The following PCDHGA2 variants were observed in gnomAD, a reference collection of about 807,000 sequenced individuals.
PCDHGA2 encodes protocadherin gamma-A2.
In PCDHGA2, 40 loss-of-function variants were observed where a neutral mutation model predicts 59.2. The ratio of observed to expected loss-of-function variants is 0.68; its 90% CI spans 0.52 to 0.88. The LOEUF (loss-of-function observed/expected upper bound fraction) is 0.88. Among genes scored for constraint, PCDHGA2 ranks in the 40% least tolerant of loss-of-function variants. PCDHGA2 has a pLI of 0.00. For synonymous variants in PCDHGA2, 560 were observed against 526.0 expected, an observed-to-expected ratio of 1.06 and a Z score of -0.89; for missense variants, 1,226 against 1,204.0, an observed-to-expected ratio of 1.02 and a Z score of -0.27.
intron 1 of PCDHGA2, among the ~76,000 whole-genome samples, chr5:141,363,316 T>C (rs551675221): frequency 4.6e-5 from 7 of 152,280 alleles, no homozygotes; most frequent in Non-Finnish European, 1.0e-4. Context: ...TAGTTTTCTA[T>C]GAAAGTGTTA....
chr5:141,363,560 T>C (rs1191147293), intron 1 of PCDHGA2, among the ~76,000 whole-genome samples: 1 of 152,198 alleles, frequency 6.6e-6, no homozygotes, highest in East Asian at 1.9e-4. Context: ...AACATGGTAA[T>C]AGAAAAACAT....
At chr5:141,360,700 C>A (rs532971055) in intron 1 of PCDHGA2, 1 of 1,613,796 alleles carries the variant, frequency 6.2e-7, no homozygotes, top group South Asian at 1.1e-5. Flanking sequence ...TCCAGATGGT[C>A]GTAAATATCC....
At chr5:141,366,523 G>A (rs755773964) in intron 1 of PCDHGA2, 18 of 1,614,152 alleles carry the variant, frequency 1.1e-5, no homozygotes, top group Middle Eastern at 1.6e-4. Flanking sequence ...AAGGCAGCAG[G>A]TTGGCGGGTG....
intron 1 of PCDHGA2, among the ~76,000 whole-genome samples, chr5:141,448,117 A>G (rs564444141): frequency 6.6e-6 from 1 of 152,094 alleles, no homozygotes; most frequent in Non-Finnish European, 1.5e-5. Flanking sequence ...AAAGAAAATT[A>G]GCCTCCCCCA....
Position 141,339,628 on chromosome 5 carries a change from C to T in PCDHGA2, c.657C>T (p.Asp219=), listed in dbSNP as rs781428471. 2 of 1,614,190 alleles carry T rather than the reference C, an allele frequency of 1.2e-6. No homozygotes were observed. Residue 219 remains aspartate (D), a synonymous_variant, in exon 1 of 4, where the codon GAC becomes GAT. Transcript: ENST00000394576. ...TTCTCGTGGCTTCTGATGGGGGTGA[C>T]CCAGTGCTATCTGGCACCTCCCGCA... is the stretch of plus-strand genomic sequence containing the variant. ...HLVLVASDGG[D]PVLSGTSRIC...
intron 1 of PCDHGA2, chr5:141,428,153 CT>C (rs2097116745): frequency 6.3e-7 from 1 of 1,581,370 alleles, no homozygotes; most frequent in Admixed American, 1.7e-5. Flanking sequence ...ACACGGGAAC[CT>C]GCTGGTTGCT....
rs942526816 is a variant in PCDHGA2 at position 141,339,640 on chromosome 5, T to C, written c.669T>C (p.Ser223=). ...CTGATGGGGGTGACCCAGTGCTATC[T>C]GGCACCTCCCGCATCTGCGTGAAGG... ...VASDGGDPVL[S]GTSRICVKVL... is the part of the protein sequence containing the mutation. Residue 223 remains serine, a synonymous_variant, in exon 1 of 4, where the codon TCT becomes TCC. Coordinates refer to ENST00000394576, the MANE Select transcript of PCDHGA2 (RefSeq NM_018915.4). 2 of 1,614,230 alleles carry C rather than the reference T, an allele frequency of 1.2e-6. No homozygotes were observed. Among genetic ancestry groups the C allele is most frequent in the South Asian group, 1.1e-5 (1 of 91,092 alleles).
intron 1 of PCDHGA2, chr5:141,385,540 G>T: frequency 1.5e-6 from 2 of 1,323,840 alleles, no homozygotes; most frequent in Non-Finnish European, 1.9e-6. Context: ...ATGAATATGT[G>T]GACTATCACA....
chr5:141,394,263 A>T, intron 1 of PCDHGA2: 1 of 1,613,884 alleles, frequency 6.2e-7, no homozygotes, highest in Non-Finnish European at 8.5e-7. Flanking sequence ...CAGCCAGGAG[A>T]ATGCCCAGGT....
chr5:141,422,919 G>C (rs1445179310), intron 1 of PCDHGA2: 9 of 1,614,120 alleles, frequency 5.6e-6, no homozygotes, highest in Non-Finnish European at 6.8e-6. Context: ...CCGAGATCCT[G>C]TACCCTGCCC....
At chr5:141,376,085 A>T (rs777795289) in intron 1 of PCDHGA2, 1 of 1,613,530 alleles carries the variant, frequency 6.2e-7, no homozygotes. Flanking sequence ...GGCCGACAGG[A>T]TCCCCGACAT....
At chr5:141,356,099 A>T in intron 1 of PCDHGA2, 1 of 1,613,882 alleles carries the variant, frequency 6.2e-7, no homozygotes, top group Non-Finnish European at 8.5e-7. Context: ...CTGAGTGGGG[A>T]TATAACAATA....
Position 141,486,552 on chromosome 5 carries a change from A to G in PCDHGA2, c.2425-8255A>G. On this transcript the variant is annotated intron_variant, in intron 1 of 3. Coordinates refer to ENST00000394576, the MANE Select transcript of PCDHGA2 (RefSeq NM_018915.4). This position sits in a 1 kb window ranked among gnomAD's most constrained non-coding sequence, Gnocchi z 5.0. ...CCACCCTCTTTCTTTCAGAGGTCAC[A>G]TGAGGTGTTTGTTCCTGAGAACAAT... is the stretch of plus-strand genomic sequence containing the variant. 1 of 1,614,136 alleles carries G rather than the reference A, an allele frequency of 6.2e-7. No homozygotes were observed. The highest frequency in any genetic ancestry group is 2.2e-5 in the East Asian group (1 of 44,882).
chr5:141,448,705 C>T (rs2098601893), intron 1 of PCDHGA2, among the ~76,000 whole-genome samples: 1 of 152,100 alleles, frequency 6.6e-6, no homozygotes, highest in Non-Finnish European at 1.5e-5. Context: ...CTTTGGGAGG[C>T]CGAGGCGGGA....
At chr5:141,364,414 C>T in intron 1 of PCDHGA2, 3 of 1,612,330 alleles carry the variant, frequency 1.9e-6, no homozygotes, top group Non-Finnish European at 2.5e-6. Flanking sequence ...AGCCAGGATC[C>T]GGGCAGATCC....
At chr5:141,377,447 A>AG (rs1773997095) in intron 1 of PCDHGA2, 1 of 152,082 alleles carries the variant, frequency 6.6e-6, no homozygotes, top group African/African-American at 2.4e-5. Context: ...AAGAAAAAAA[A>AG]GTAGCCAGAT....
At position 141,512,430 on chromosome 5, in the gene PCDHGA2, CT is replaced by C. The variant is rs1357890225; in HGVS notation, c.*1258del. The C allele has an allele frequency of 1.3e-5, 2 of 152,824 alleles. No homozygotes were observed. Among genetic ancestry groups the C allele is most frequent in the Non-Finnish European group, 2.9e-5 (2 of 68,158 alleles). 9.5% of individuals were successfully genotyped at this position (152,824 alleles called of 1,614,324 possible). On this transcript the variant is annotated 3_prime_UTR_variant, in exon 4 of 4. Coordinates refer to ENST00000394576, the MANE Select transcript of PCDHGA2 (RefSeq NM_018915.4). ...CTTCTTCAACAGGGCCCCTGCCCTCCTGAAGCCTCAGTCCTTCACCTTGCCA... is the reference window on the plus strand; with the variant it reads ...CTTCTTCAACAGGGCCCCTGCCCTCCGAAGCCTCAGTCCTTCACCTTGCCA...
At chr5:141,419,116 C>A in intron 1 of PCDHGA2, 2 of 1,613,888 alleles carry the variant, frequency 1.2e-6, no homozygotes. Context: ...CAGAGTACAA[C>A]GTCACCATCG....
rs73265846 is a variant in PCDHGA2, at chr5:141,370,853, C to T, written c.2424+29458C>T. 1,195 of 1,614,040 alleles carry T rather than the reference C, an allele frequency of 7.4e-4. 6 individuals carry two copies. In the African/African-American group the frequency reaches 0.014, roughly 19 times the overall value. On this transcript the variant is annotated intron_variant, in intron 1 of 3. Coordinates refer to ENST00000394576, the MANE Select transcript of PCDHGA2 (RefSeq NM_018915.4). ...TGGCTCTCACTGGAGCCACATTTGC[C>T]CTGGAATCTGCGCAAGATCCTGATG...
Sources: gnomAD v4.1 joint callset for allele counts (sites outside exome capture counted in the v4.1 genomes callset) on GRCh38, gnomAD v4.1.1 for gene constraint, Gnocchi (gnomAD v3.1) non-coding constraint, MANE v1.5 for transcripts, NCBI Gene and HGNC (gene_info 2026-07-23, HGNC 2026-07-21) for gene names.